Variants in MECOM observed in about 807,000 individuals in gnomAD.
The protein encoded by MECOM is histone-lysine N-methyltransferase MECOM.
A neutral mutation model predicts 116.3 loss-of-function variants in MECOM; 13 were observed. The ratio of observed to expected loss-of-function variants is 0.11; its 90% CI spans 0.07 to 0.18. The LOEUF is 0.18. MECOM is among the 10% of genes least tolerant of loss of function. The pLI, the probability that MECOM is intolerant of heterozygous loss-of-function variation, is 1.00. For synonymous variants in MECOM, 528 were observed against 535.2 expected (o/e 0.99, Z 0.19); for missense variants, 1,299 against 1,509.0 (o/e 0.86, Z 2.31).
chr3:169,601,478 A>G (rs1317502706), intron 1 of MECOM, among the ~76,000 whole-genome samples: 1 of 152,184 alleles, frequency 6.6e-6, no homozygotes, highest in East Asian at 1.9e-4. Context: ...GGCCTCTTAC[A>G]TGGGAATGTT....
chr3:169,590,389 C>A (rs1235438768), intron 1 of MECOM, among the ~76,000 whole-genome samples: 1 of 152,138 alleles, frequency 6.6e-6, no homozygotes, highest in Non-Finnish European at 1.5e-5. Context: ...AATCAGAGTG[C>A]CCACACCGAT....
intron 6 of MECOM, among the ~76,000 whole-genome samples, chr3:169,121,724 A>C (rs984777626): frequency 2.0e-5 from 3 of 152,202 alleles, no homozygotes; most frequent in African/African-American, 7.2e-5. Context: ...AAACAAAAAT[A>C]AAAAAGCCAC....
intron 2 of MECOM, among the ~76,000 whole-genome samples, chr3:169,161,595 G>A (rs962965283): frequency 6.6e-6 from 1 of 152,042 alleles, no homozygotes; most frequent in Non-Finnish European, 1.5e-5. Context: ...TAAATATACT[G>A]AATACCCATC....
chr3:169,583,825 G>A (rs1576991486), intron 1 of MECOM, among the ~76,000 whole-genome samples: 1 of 147,660 alleles, frequency 6.8e-6, no homozygotes, highest in Non-Finnish European at 1.5e-5. Flanking sequence ...GGCTGGTCTT[G>A]AACTCCCGGG....
At chr3:169,522,455 C>T (rs187323666) in intron 1 of MECOM, among the ~76,000 whole-genome samples, 105 of 152,200 alleles carry the variant, frequency 6.9e-4, no homozygotes, top group Non-Finnish European at 9.7e-4. Context: ...ACAGACTTAG[C>T]ATCCTTCTGC....
intron 1 of MECOM, among the ~76,000 whole-genome samples, chr3:169,528,109 G>A (rs1758171814): frequency 6.6e-6 from 1 of 152,158 alleles, no homozygotes; most frequent in Admixed American, 6.5e-5. Flanking sequence ...TATTTTCTGA[G>A]CCAAACCCCT....
intron 2 of MECOM, chr3:169,146,826 A>G: frequency 2.8e-6 from 3 of 1,087,932 alleles, no homozygotes; most frequent in Non-Finnish European, 3.4e-6. Context: ...CTGCACGAAA[A>G]TCCTTTCAAA....
intron 1 of MECOM, among the ~76,000 whole-genome samples, chr3:169,522,006 C>T (rs529518707): frequency 1.3e-5 from 2 of 152,210 alleles, no homozygotes; most frequent in East Asian, 1.9e-4. Flanking sequence ...TATGCAAATG[C>T]TATGCCATTT....
chr3:169,170,073 T>C (rs1417930405), intron 2 of MECOM, among the ~76,000 whole-genome samples: 1 of 152,172 alleles, frequency 6.6e-6, no homozygotes, highest in African/African-American at 2.4e-5. Context: ...TGGATTTAGA[T>C]GTTTATTTTA....
intron 1 of MECOM, among the ~76,000 whole-genome samples, chr3:169,468,648 C>A (rs1289031694): frequency 1.3e-5 from 2 of 152,052 alleles, no homozygotes; most frequent in Admixed American, 6.5e-5. Context: ...AATGATATAA[C>A]AAATATTTGA....
chr3:169,085,960 G>C (rs1288795589), intron 16 of MECOM, among the ~76,000 whole-genome samples: 4 of 152,124 alleles, frequency 2.6e-5, no homozygotes, highest in African/African-American at 2.4e-5. Context: ...TGCTGAAGTG[G>C]AATCATTAAA....
intron 2 of MECOM, among the ~76,000 whole-genome samples, chr3:169,296,752 G>C (rs1003035067): frequency 1.3e-5 from 2 of 152,186 alleles, no homozygotes; most frequent in Non-Finnish European, 2.9e-5. Flanking sequence ...TTTTGCCTGA[G>C]ATGAACCTGA....
intron 6 of MECOM, 61 bp from the exon 7 acceptor site, chr3:169,121,270 C>G: frequency 1.4e-6 from 2 of 1,478,438 alleles, no homozygotes; most frequent in Non-Finnish European, 1.8e-6. Flanking sequence ...ATAAAGAAGA[C>G]CCGGGATGAC....
At chr3:169,430,158 T>C (rs949690455) in intron 1 of MECOM, among the ~76,000 whole-genome samples, 2 of 152,294 alleles carry the variant, frequency 1.3e-5, no homozygotes, top group South Asian at 4.1e-4. Context: ...TAAATCCTCA[T>C]TTCCAATATT....
intron 1 of MECOM, among the ~76,000 whole-genome samples, chr3:169,482,325 G>GT (rs1553866256): frequency 6.8e-5 from 7 of 103,650 alleles, no homozygotes; most frequent in Non-Finnish European, 1.1e-4. Context: ...CTTAACCCAC[G>GT]TTCTTTTTTT....
chr3:169,175,985 C>A (rs569576771), intron 2 of MECOM, among the ~76,000 whole-genome samples: 2 of 152,004 alleles, frequency 1.3e-5, no homozygotes, highest in African/African-American at 2.4e-5. Context: ...CTAGTTTCTG[C>A]TAATATGGTT....
intron 2 of MECOM, among the ~76,000 whole-genome samples, chr3:169,311,028 A>G (rs918378713): frequency 6.6e-6 from 1 of 152,240 alleles, no homozygotes; most frequent in African/African-American, 2.4e-5. Flanking sequence ...CCGTGGGAAA[A>G]CAGGTATTAC....
At chr3:169,300,789 A>G (rs980255541) in intron 2 of MECOM, among the ~76,000 whole-genome samples, 10 of 152,208 alleles carry the variant, frequency 6.6e-5, no homozygotes, top group African/African-American at 2.4e-4. Context: ...ACGGGTTCCA[A>G]CCAGAGGAGA....
intron 11 of MECOM, 119 bp from the exon 12 acceptor site, chr3:169,101,081 C>CTTTTTTTTTT (rs1404585309): frequency 6.1e-6 from 3 of 494,684 alleles, no homozygotes; most frequent in African/African-American, 5.9e-5. Flanking sequence ...ACTCACATTT[C>CTTTTTTTTTT]TTTGGTATTT....
Sources: allele counts gnomAD v4.1 joint callset (sites outside exome capture counted in the v4.1 genomes callset), GRCh38; gene constraint gnomAD v4.1.1; transcripts MANE v1.5; gene names NCBI Gene and HGNC (gene_info 2026-07-23, HGNC 2026-07-21).